The following JAKMIP3 variants were observed in gnomAD, a reference collection of about 807,000 sequenced individuals.
JAKMIP3 encodes janus kinase and microtubule-interacting protein 3.
A neutral mutation model predicts 118.5 loss-of-function variants in JAKMIP3; 58 were observed. That is an observed-to-expected ratio of 0.49 (90% CI 0.40 to 0.61). The LOEUF (loss-of-function observed/expected upper bound fraction) is 0.61, where lower values mean the gene tolerates loss of function less well. Ranked by LOEUF, JAKMIP3 falls within the 20% of genes least tolerant of loss-of-function variation. The pLI is 0.00. For synonymous variants in JAKMIP3, 486 were observed against 451.2 expected, an observed-to-expected ratio of 1.08 and a Z score of -0.98; for missense variants, 950 against 1,109.0, an observed-to-expected ratio of 0.86 and a Z score of 2.04.
At chr10:132,178,984 C>T (rs2060443217) in intron 23 of JAKMIP3, among the ~76,000 whole-genome samples, 1 of 152,230 alleles carries the variant, frequency 6.6e-6, no homozygotes, top group Non-Finnish European at 1.5e-5. Context: ...GGGTTCTGCC[C>T]TGCAGCTTTT....
chr10:132,136,941 G>T, intron 6 of JAKMIP3, 78 bp from the exon 7 acceptor site: 3 of 1,503,466 alleles, frequency 2.0e-6, no homozygotes, highest in Non-Finnish European at 2.7e-6. Flanking sequence ...TGAGGGAGAA[G>T]ACCCCCCCGC....
rs191868823 is a variant in JAKMIP3 at position 132,111,011 on chromosome 10, G to A, written c.136-6066G>A. Among the ~76,000 whole-genome samples the A allele has an allele frequency of 3.2e-4, 49 of 152,346 alleles. No homozygotes were observed. In the East Asian group the frequency reaches 8.3e-3, roughly 26 times the overall value. On this transcript the variant is annotated intron_variant, in intron 2 of 23. Transcript: ENST00000684848. ...CTGTTCTGGGGTTTGGCCACTGCCC[G>A]CCCTCCTGCAGGCTGAGCCCCAACT...
rs2037858626 is a variant in JAKMIP3, at chr10:132,044,755, G to A, written c.-138+8017G>A. ...AGAGTAGGGACAATCGCAGTGCTGT[G>A]CAAACCACCTCCAGAACGATTTCAT... On this transcript the variant is annotated intron_variant, in intron 1 of 23. Coordinates refer to the JAKMIP3 transcript ENST00000657785. The surrounding 1 kb of genome is among the most constrained non-coding windows in gnomAD (Gnocchi z 5.3). Among the ~76,000 whole-genome samples the A allele has an allele frequency of 6.6e-6, 1 of 152,118 alleles. No homozygotes were observed. Among genetic ancestry groups the A allele is most frequent in the Admixed American group, 6.5e-5 (1 of 15,276 alleles).
chr10:132,167,002 T>C lies in JAKMIP3; in HGVS notation c.2510T>C (p.Phe837Ser). Reference sequence around the variant, plus strand: ...TTTCAGTTTCTATTTTTGTTCTTATTTTTCTCCTTAGCTTTCATTCTCTGG... The same window carrying C: ...TTTCAGTTTCTATTTTTGTTCTTATCTTTCTCCTTAGCTTTCATTCTCTGG... ...LEEKFLFLFL[F>S]FSLAFILWS Residue 837 changes from phenylalanine (F) to serine (S), a missense_variant, in exon 22 of 24, where the codon TTT becomes TCT. Physicochemically the swap from Phe to Ser is radical, Grantham distance 155. Coordinates refer to ENST00000684848, the MANE Select transcript of JAKMIP3 (RefSeq NM_001323087.2). The C allele has an allele frequency of 6.5e-7, 1 of 1,549,334 alleles. No homozygotes were observed. Among genetic ancestry groups the C allele is most frequent in the Non-Finnish European group, 8.7e-7 (1 of 1,144,928 alleles).
At chr10:132,038,973 C>T (rs1423209624) in intron 1 of JAKMIP3, among the ~76,000 whole-genome samples, 1 of 152,036 alleles carries the variant, frequency 6.6e-6, no homozygotes, top group Non-Finnish European at 1.5e-5. Context: ...AGGTGGAGGC[C>T]ACACCCTTCA....
chr10:132,139,051 T>A (rs12767494), intron 9 of JAKMIP3, among the ~76,000 whole-genome samples: 42 of 68,164 alleles, frequency 6.2e-4, no homozygotes, highest in African/African-American at 1.0e-3. Context: ...TTATGTTGAG[T>A]GTGTGTGTGT....
intron 1 of JAKMIP3, among the ~76,000 whole-genome samples, chr10:132,090,243 T>G (rs920372977): frequency 1.3e-5 from 2 of 152,234 alleles, no homozygotes; most frequent in African/African-American, 4.8e-5. Context: ...TTAGGGAGGA[T>G]TCCCTCTTTT....
At chr10:132,114,617 C>T (rs1251240479) in intron 2 of JAKMIP3, among the ~76,000 whole-genome samples, 3 of 152,122 alleles carry the variant, frequency 2.0e-5, no homozygotes, top group Admixed American at 6.5e-5. Flanking sequence ...ATTTTAGAAT[C>T]CATTTGGAGA....
chr10:132,132,192 T>C (rs2814184), intron 3 of JAKMIP3, among the ~76,000 whole-genome samples: 59,731 of 152,166 alleles, frequency 0.39, 12,582 homozygotes, highest in Non-Finnish European at 0.48. Context: ...AGACATCTCA[T>C]TTCTTTGTTT....
At chr10:132,083,899 G>T (rs748535296) in intron 1 of JAKMIP3, among the ~76,000 whole-genome samples, 1 of 152,174 alleles carries the variant, frequency 6.6e-6, no homozygotes, top group African/African-American at 2.4e-5. Context: ...CTATGTGCCT[G>T]TTTTTATGCC....
At position 132,104,839 on chromosome 10, in the gene JAKMIP3, A is replaced by G. The variant is rs1481949629; in HGVS notation, c.31A>G (p.Lys11Glu). The change falls in exon 2 of 24, where the codon AAG becomes GAG. Residue 11 changes from lysine (K) to glutamate (E), a missense_variant. Coordinates refer to ENST00000684848, the MANE Select transcript of JAKMIP3 (RefSeq NM_001323087.2). MSKRGMSSRAKGDKAEALAAL... is the reference protein window; with the variant it reads MSKRGMSSRAEGDKAEALAAL... The stretch of plus-strand genomic sequence containing the variant: ...CAAGAGGGGCATGAGCAGCCGGGCC[A>G]AGGGGGACAAGGCAGAGGCCCTCGC... 16 of 1,554,000 alleles carry G rather than the reference A, an allele frequency of 1.0e-5. No individual in the cohort carries two copies. The highest frequency in any genetic ancestry group is 2.0e-5 in the Admixed American group (1 of 51,206).
At chr10:132,113,633 G>A (rs749167852) in intron 2 of JAKMIP3, among the ~76,000 whole-genome samples, 9 of 152,226 alleles carry the variant, frequency 5.9e-5, no homozygotes, top group Admixed American at 1.3e-4. Context: ...AAGAGATAGC[G>A]GGGCTTTGTG....
At chr10:132,047,624 G>A (rs1444460216) in intron 1 of JAKMIP3, among the ~76,000 whole-genome samples, 1 of 105,380 alleles carries the variant, frequency 9.5e-6, no homozygotes, top group Non-Finnish European at 2.0e-5. Flanking sequence ...CCTGACCCAG[G>A]GTCCCCACCC....
Position 132,183,983 on chromosome 10 carries a change from G to A in JAKMIP3, c.*2730G>A, listed in dbSNP as rs4587659. The stretch of plus-strand genomic sequence containing the variant: ...TGTCTTACTGCTAGCTCTTCTAACA[G>A]GGGAAGTCTGTATGAATGCATCACC... On this transcript the variant is annotated 3_prime_UTR_variant, in exon 24 of 24. Coordinates refer to ENST00000684848, the MANE Select transcript of JAKMIP3 (RefSeq NM_001323087.2). 0.11 allele frequency: 17,059 copies of A among 152,212 alleles called. 1,274 individuals carry two copies. The highest frequency in any genetic ancestry group is 0.15 in the Non-Finnish European group (10,425 of 68,000). The allele number at this position is 152,212 out of a possible 1,614,324, so 9.4% of individuals were successfully genotyped here.
At chr10:132,160,026 T>TG (rs1177449690) in intron 19 of JAKMIP3, among the ~76,000 whole-genome samples, 1 of 35,424 alleles carries the variant, frequency 2.8e-5, no homozygotes, top group Non-Finnish European at 5.0e-5. Flanking sequence ...TGTGTGATGC[T>TG]GGGGAGCCTC....
intron 1 of JAKMIP3, among the ~76,000 whole-genome samples, chr10:132,083,156 A>C (rs1298561220): frequency 6.6e-6 from 1 of 152,236 alleles, no homozygotes; most frequent in African/African-American, 2.4e-5. Flanking sequence ...CCAGCAATGC[A>C]GAAGTGTTCC....
chr10:132,164,692 G>A lies in JAKMIP3; in HGVS notation c.2447G>A (p.Arg816Lys). 1.3e-6 allele frequency: 2 copies of A among 1,597,732 alleles called. No individual in the cohort carries two copies. Among genetic ancestry groups the A allele is most frequent in the Non-Finnish European group, 1.7e-6 (2 of 1,165,242 alleles). ...CAGAGAATTAAAGAGTTAGAAGAAA[G>A]AATAGAAGCTCAGAAGAGACAAATA... ...AQQRIKELEE[R>K]IEAQKRQIKE... The change falls in exon 21 of 24, where the codon AGA becomes AAA. Residue 816 changes from arginine (R) to lysine (K), a missense_variant. Arg to Lys is a conservative substitution (Grantham distance 26, BLOSUM62 2). Coordinates refer to ENST00000684848, the MANE Select transcript of JAKMIP3 (RefSeq NM_001323087.2).
At chr10:132,053,077 AG>A (rs1169287480) in intron 1 of JAKMIP3, among the ~76,000 whole-genome samples, 1 of 152,110 alleles carries the variant, frequency 6.6e-6, no homozygotes, top group Non-Finnish European at 1.5e-5. Flanking sequence ...GGTTTCTCTG[AG>A]ACCTGGGATC....
intron 1 of JAKMIP3, among the ~76,000 whole-genome samples, chr10:132,094,095 G>A (rs1266377351): frequency 6.6e-6 from 1 of 151,858 alleles, no homozygotes; most frequent in Non-Finnish European, 1.5e-5. Flanking sequence ...ACACCACCAT[G>A]CCCGGCTAAT....
Sources: gnomAD v4.1 joint callset for allele counts (sites outside exome capture counted in the v4.1 genomes callset) on GRCh38, gnomAD v4.1.1 for gene constraint, Gnocchi (gnomAD v3.1) non-coding constraint, MANE v1.5 for transcripts, NCBI Gene and HGNC (gene_info 2026-07-23, HGNC 2026-07-21) for gene names.